Variants in ATRNL1 observed in about 807,000 individuals in gnomAD.
ATRNL1 encodes attractin-like protein 1.
Under a neutral mutation model 182.7 loss-of-function variants are expected in ATRNL1, and 95 were observed. The ratio of observed to expected loss-of-function variants is 0.52; its 90% CI spans 0.44 to 0.62. ATRNL1 has a LOEUF of 0.62. Among genes scored for constraint, ATRNL1 ranks in the 20% least tolerant of loss-of-function variants. The pLI is 0.00. For synonymous variants in ATRNL1, 576 were observed against 568.3 expected (o/e 1.01, Z -0.19); for missense variants, 1,471 against 1,679.5 (o/e 0.88, Z 2.17).
At chr10:115,920,263 G>T (rs1953009882) in intron 28 of ATRNL1, among the ~76,000 whole-genome samples, 1 of 152,128 alleles carries the variant, frequency 6.6e-6, no homozygotes, top group Non-Finnish European at 1.5e-5. Flanking sequence ...TATCCAGCAG[G>T]TCACTCTAAA....
At chr10:115,363,253 G>C (rs1253350033) in intron 19 of ATRNL1, among the ~76,000 whole-genome samples, 1 of 152,112 alleles carries the variant, frequency 6.6e-6, no homozygotes, top group African/African-American at 2.4e-5. Context: ...GTTTTGATTT[G>C]CATTTCTCTG....
intron 17 of ATRNL1, among the ~76,000 whole-genome samples, chr10:115,309,867 G>A (rs1275933534): frequency 6.6e-6 from 1 of 151,954 alleles, no homozygotes; most frequent in Non-Finnish European, 1.5e-5. Flanking sequence ...GATTGATCTG[G>A]GTAGGATTTC....
At chr10:115,205,598 AATCTT>A (rs1354367370) in intron 8 of ATRNL1, among the ~76,000 whole-genome samples, 1 of 151,680 alleles carries the variant, frequency 6.6e-6, no homozygotes, top group African/African-American at 2.4e-5. Flanking sequence ...ATTCCATTTT[AATCTT>A]ATCTTAATGT....
chr10:115,528,752 T>C lies in ATRNL1; in HGVS notation c.3716+9428T>C, dbSNP rs562957072. On this transcript the variant is annotated intron_variant, in intron 25 of 28. Transcript: ENST00000355044. ...TTGAGATCTTTCTTCTTTTTTAGTA[T>C]GTTTATAACTAAATTTCCCTTTTAT... Among the ~76,000 whole-genome samples, 6 of 152,278 alleles carry C rather than the reference T, an allele frequency of 3.9e-5. No homozygotes were observed. The South Asian group carries it at 1.0e-3, about 26-fold the overall frequency.
intron 26 of ATRNL1, among the ~76,000 whole-genome samples, chr10:115,679,882 G>T (rs115692794): frequency 0.013 from 2,004 of 151,988 alleles, 42 homozygotes; most frequent in African/African-American, 0.044. Context: ...TTGATTAAAG[G>T]TCTTTCCTTA....
At chr10:115,883,489 A>G (rs1355007234) in intron 28 of ATRNL1, among the ~76,000 whole-genome samples, 1 of 152,260 alleles carries the variant, frequency 6.6e-6, no homozygotes, top group Non-Finnish European at 1.5e-5. Context: ...CTAAATAACC[A>G]TCAATAACAA....
chr10:115,608,597 T>G (rs1555018171), intron 26 of ATRNL1, among the ~76,000 whole-genome samples: 1 of 152,056 alleles, frequency 6.6e-6, no homozygotes, highest in Non-Finnish European at 1.5e-5. Flanking sequence ...TTATCATACA[T>G]GGACAATGAC....
chr10:115,238,343 G>T (rs1850271099), intron 9 of ATRNL1, among the ~76,000 whole-genome samples: 1 of 152,146 alleles, frequency 6.6e-6, no homozygotes, highest in Admixed American at 6.5e-5. Context: ...AAGCTGGGAA[G>T]AACTGGCATA....
At chr10:115,939,628 A>G (rs1391599879) in intron 28 of ATRNL1, among the ~76,000 whole-genome samples, 1 of 152,198 alleles carries the variant, frequency 6.6e-6, no homozygotes, top group Non-Finnish European at 1.5e-5. Context: ...CCCCCAGTTA[A>G]TTGTATTGCT....
chr10:115,907,150 C>G (rs1589675428), intron 28 of ATRNL1, among the ~76,000 whole-genome samples: 1 of 152,216 alleles, frequency 6.6e-6, no homozygotes, highest in Non-Finnish European at 1.5e-5. Flanking sequence ...TAGAGTCCAG[C>G]TTGGAGCTCA....
intron 19 of ATRNL1, among the ~76,000 whole-genome samples, chr10:115,372,077 C>T (rs1554948205): frequency 6.6e-6 from 1 of 152,170 alleles, no homozygotes; most frequent in Non-Finnish European, 1.5e-5. Context: ...ATTGTGTGGC[C>T]TCCCCAGCCA....
At chr10:115,209,734 G>A (rs1848949121) in intron 8 of ATRNL1, among the ~76,000 whole-genome samples, 2 of 151,822 alleles carry the variant, frequency 1.3e-5, no homozygotes, top group Admixed American at 6.6e-5. Context: ...GTTTTCTGAG[G>A]TGATCTATAT....
At chr10:115,140,293 C>T (rs1845705534) in intron 5 of ATRNL1, among the ~76,000 whole-genome samples, 1 of 152,122 alleles carries the variant, frequency 6.6e-6, no homozygotes, top group East Asian at 1.9e-4. Context: ...ATAAAGGATT[C>T]TCCCAAACAC....
At chr10:115,926,551 A>G (rs992673286) in intron 28 of ATRNL1, among the ~76,000 whole-genome samples, 6 of 152,152 alleles carry the variant, frequency 3.9e-5, no homozygotes, top group Non-Finnish European at 8.8e-5. Context: ...AGAATCTAAT[A>G]GACACAATAA....
At chr10:115,098,867 G>T (rs565013452) in intron 1 of ATRNL1, among the ~76,000 whole-genome samples, 10 of 152,190 alleles carry the variant, frequency 6.6e-5, no homozygotes, top group Admixed American at 2.6e-4. Flanking sequence ...CAAAAATGAG[G>T]TGTTTAATTA....
chr10:115,523,023 T>G (rs1851026519), intron 25 of ATRNL1, among the ~76,000 whole-genome samples: 1 of 152,174 alleles, frequency 6.6e-6, no homozygotes, highest in South Asian at 2.1e-4. Context: ...CTGCTCAGCA[T>G]TGCCTCACTA....
chr10:115,564,072 G>C (rs1169229236), intron 26 of ATRNL1, among the ~76,000 whole-genome samples: 5 of 151,920 alleles, frequency 3.3e-5, no homozygotes, highest in Non-Finnish European at 7.4e-5. Context: ...CTGCTGCATA[G>C]TATATTTATT....
Position 115,313,540 on chromosome 10 carries a change from C to T in ATRNL1, c.2819-1978C>T, listed in dbSNP as rs370373511. ...GAGGTATCATGAAGCTTATTTCATT[C>T]GCCAGTGGCGTGTACTTATTTATTT... On this transcript the variant is annotated intron_variant, in intron 17 of 28. Transcript: ENST00000355044. Among the ~76,000 whole-genome samples the T allele has an allele frequency of 1.4e-4, 21 of 152,206 alleles. No homozygotes were observed. The East Asian group carries it at 2.5e-3, about 18-fold the overall frequency.
intron 19 of ATRNL1, among the ~76,000 whole-genome samples, chr10:115,370,486 A>T (rs1366457774): frequency 6.6e-6 from 1 of 152,180 alleles, no homozygotes; most frequent in African/African-American, 2.4e-5. Context: ...GATGGAGATG[A>T]GGAACTTGTT....
Sources: gnomAD v4.1 joint callset for allele counts (sites outside exome capture counted in the v4.1 genomes callset) on GRCh38, gnomAD v4.1.1 for gene constraint, MANE v1.5 for transcripts, NCBI Gene and HGNC (gene_info 2026-07-23, HGNC 2026-07-21) for gene names.